DAB1: variants seen among roughly 807,000 people sequenced by gnomAD.
DAB1 encodes the protein disabled homolog 1.
DAB1 carries 15 observed loss-of-function variants against 64.6 expected under a neutral mutation model. That is an observed-to-expected ratio of 0.23 (90% CI 0.16 to 0.36). The LOEUF is 0.36. Among genes scored for constraint, DAB1 ranks in the 10% least tolerant of loss-of-function variants. DAB1 has a pLI of 1.00. For synonymous variants in DAB1, 235 were observed against 251.9 expected (o/e 0.93, Z 0.64); for missense variants, 596 against 706.7 (o/e 0.84, Z 1.78).
At chr1:57,200,927 T>C (rs563772115) in intron 2 of DAB1, among the ~76,000 whole-genome samples, 1 of 152,368 alleles carries the variant, frequency 6.6e-6, no homozygotes, top group East Asian at 1.9e-4. Context: ...TACAGGGTCC[T>C]TATTACTTAG....
intron 7 of DAB1, among the ~76,000 whole-genome samples, chr1:57,566,079 C>G (rs984951538): frequency 2.0e-5 from 3 of 152,228 alleles, no homozygotes; most frequent in Non-Finnish European, 4.4e-5. Flanking sequence ...AATTGTCTCT[C>G]AGACCACACT....
At chr1:57,919,342 C>T (rs1292631615) in intron 5 of DAB1, among the ~76,000 whole-genome samples, 27 of 152,208 alleles carry the variant, frequency 1.8e-4, no homozygotes, top group Admixed American at 1.8e-3. Flanking sequence ...TCCCTATCCT[C>T]AAGGAACTCC....
chr1:57,359,382 C>G (rs1156990340), intron 1 of DAB1, among the ~76,000 whole-genome samples: 4 of 151,714 alleles, frequency 2.6e-5, no homozygotes, highest in African/African-American at 9.7e-5. Context: ...AAATCAAAAC[C>G]ACAATAAGAT....
chr1:57,713,107 C>G (rs1647045455), intron 6 of DAB1, among the ~76,000 whole-genome samples: 1 of 152,186 alleles, frequency 6.6e-6, no homozygotes, highest in Non-Finnish European at 1.5e-5. Flanking sequence ...TCATCTGCAT[C>G]AGCCGGGATG....
intron 1 of DAB1, among the ~76,000 whole-genome samples, chr1:57,859,361 T>C (rs907708973): frequency 1.3e-5 from 2 of 152,162 alleles, no homozygotes; most frequent in Admixed American, 1.3e-4. Context: ...ATTGCTCTTA[T>C]TAATTATTTT....
At chr1:58,045,323 G>A (rs1018028082) in intron 5 of DAB1, among the ~76,000 whole-genome samples, 3 of 152,148 alleles carry the variant, frequency 2.0e-5, no homozygotes, top group African/African-American at 2.4e-5. Flanking sequence ...CTGCCATACC[G>A]AGGGGGTAAG....
intron 7 of DAB1, among the ~76,000 whole-genome samples, chr1:57,595,971 T>G (rs925828955): frequency 2.0e-5 from 3 of 152,232 alleles, no homozygotes; most frequent in African/African-American, 7.2e-5. Flanking sequence ...CTCTCTTCTT[T>G]ATAAATTACT....
intron 3 of DAB1, among the ~76,000 whole-genome samples, chr1:58,357,219 G>C (rs1399622188): frequency 2.6e-5 from 4 of 152,088 alleles, no homozygotes; most frequent in Non-Finnish European, 5.9e-5. Flanking sequence ...AAAAAATGAT[G>C]AGTGGCTTGG....
At chr1:57,948,648 C>T (rs1413570327) in intron 5 of DAB1, among the ~76,000 whole-genome samples, 1 of 152,174 alleles carries the variant, frequency 6.6e-6, no homozygotes, top group Non-Finnish European at 1.5e-5. Context: ...TGATTCAGGT[C>T]CCCAGGCCCA....
intron 9 of DAB1, among the ~76,000 whole-genome samples, chr1:57,043,275 T>C (rs776537392): frequency 6.6e-6 from 1 of 152,154 alleles, no homozygotes; most frequent in Non-Finnish European, 1.5e-5. Context: ...GAACTTTTGA[T>C]CTCCCCAAAC....
chr1:57,688,033 C>A (rs1484446160), intron 6 of DAB1, among the ~76,000 whole-genome samples: 1 of 152,060 alleles, frequency 6.6e-6, no homozygotes, highest in Non-Finnish European at 1.5e-5. Flanking sequence ...TGCCCAAAAG[C>A]AATTGCAACG....
intron 3 of DAB1, among the ~76,000 whole-genome samples, chr1:58,428,857 C>G (rs971324222): frequency 6.6e-6 from 1 of 151,940 alleles, no homozygotes. Context: ...ATAAATAACA[C>G]AAAAAGAATA....
At chr1:57,982,495 A>G (rs538670088) in intron 5 of DAB1, among the ~76,000 whole-genome samples, 4 of 152,296 alleles carry the variant, frequency 2.6e-5, no homozygotes, top group Non-Finnish European at 4.4e-5. Context: ...CATAAACTGC[A>G]ATGCCAAGCT....
At chr1:57,059,408 C>T (rs560149984) in intron 9 of DAB1, among the ~76,000 whole-genome samples, 5 of 152,272 alleles carry the variant, frequency 3.3e-5, no homozygotes, top group African/African-American at 1.2e-4. Flanking sequence ...TGGGCAGTTT[C>T]TCTTCTTATG....
At chr1:57,876,054 G>A (rs1644040432) in intron 1 of DAB1, 2 of 152,264 alleles carry the variant, frequency 1.3e-5, no homozygotes, top group East Asian at 1.9e-4. Flanking sequence ...GACCAGCCTC[G>A]AATTTGGGAA....
At chr1:58,042,142 T>C (rs775905574) in intron 5 of DAB1, among the ~76,000 whole-genome samples, 6 of 152,176 alleles carry the variant, frequency 3.9e-5, no homozygotes, top group Non-Finnish European at 8.8e-5. Context: ...TAAAAGCACA[T>C]AGCCATGAAC....
At chr1:58,406,287 T>TA (rs1464682772) in intron 3 of DAB1, among the ~76,000 whole-genome samples, 3 of 152,168 alleles carry the variant, frequency 2.0e-5, no homozygotes, top group South Asian at 2.1e-4. Context: ...CCTTTGAGTT[T>TA]AAATGGAGCC....
At chr1:58,167,797 G>A (rs1294395808) in intron 4 of DAB1, among the ~76,000 whole-genome samples, 1 of 152,194 alleles carries the variant, frequency 6.6e-6, no homozygotes, top group South Asian at 2.1e-4. Flanking sequence ...CACGGCAAAG[G>A]TCTGTGGCTT....
At chr1:58,220,677 C>T (rs1659113140) in intron 4 of DAB1, among the ~76,000 whole-genome samples, 2 of 152,038 alleles carry the variant, frequency 1.3e-5, no homozygotes, top group Admixed American at 1.3e-4. Flanking sequence ...TGGGGTAAAT[C>T]ACTTTGTCCC....
Sources: allele counts gnomAD v4.1 joint callset (sites outside exome capture counted in the v4.1 genomes callset), GRCh38; gene constraint gnomAD v4.1.1; transcripts MANE v1.5; gene names NCBI Gene and HGNC (gene_info 2026-07-23, HGNC 2026-07-21).